The following CNOT1 variants were observed in gnomAD, a reference collection of about 807,000 sequenced individuals.
The protein encoded by CNOT1 is CCR4-NOT transcription complex subunit 1.
CNOT1 carries 15 observed loss-of-function variants against 273.8 expected under a neutral mutation model. That is an observed-to-expected ratio of 0.05 (90% CI 0.04 to 0.08). The LOEUF is 0.08. Ranked by LOEUF, CNOT1 falls within the 10% of genes least tolerant of loss-of-function variation. The pLI, the probability that CNOT1 is intolerant of heterozygous loss-of-function variation, is 1.00. For synonymous variants in CNOT1, 1,022 were observed against 1,005.5 expected (o/e 1.02, Z -0.31); for missense variants, 1,644 against 2,912.2 (o/e 0.56, Z 10.02).
chr16:58,611,828 A>C (rs2152035037), intron 1 of CNOT1, among the ~76,000 whole-genome samples: 1 of 152,226 alleles, frequency 6.6e-6, no homozygotes, highest in Non-Finnish European at 1.5e-5. Context: ...CTCAAAAAAA[A>C]AAAAAAAAGA....
chr16:58,566,938 A>G (rs932684195), intron 16 of CNOT1, among the ~76,000 whole-genome samples: 2 of 152,044 alleles, frequency 1.3e-5, no homozygotes, highest in Non-Finnish European at 2.9e-5. Context: ...GCCTAGTATC[A>G]TTGGTTTCTA....
intron 45 of CNOT1, among the ~76,000 whole-genome samples, chr16:58,525,603 A>AT (rs1226169180): frequency 1.3e-5 from 2 of 152,252 alleles, no homozygotes; most frequent in African/African-American, 4.8e-5. Context: ...AGTAAAGTTT[A>AT]TAAAATCAAA....
intron 1 of CNOT1, among the ~76,000 whole-genome samples, chr16:58,610,381 G>A (rs1305877240): frequency 1.3e-5 from 2 of 152,160 alleles, no homozygotes; most frequent in African/African-American, 4.8e-5. Context: ...ACGCCAGCCT[G>A]GGCAACAGAG....
intron 2 of CNOT1, among the ~76,000 whole-genome samples, chr16:58,597,145 A>G (rs901814097): frequency 6.6e-6 from 1 of 151,696 alleles, no homozygotes; most frequent in African/African-American, 2.4e-5. Flanking sequence ...TTTGAAGGAC[A>G]ATTTCTAGAA....
At chr16:58,612,806 G>A (rs2042945814) in intron 1 of CNOT1, among the ~76,000 whole-genome samples, 1 of 152,130 alleles carries the variant, frequency 6.6e-6, no homozygotes, top group East Asian at 1.9e-4. Flanking sequence ...GATTTATGGG[G>A]CAGTTCCAAA....
At chr16:58,521,360 C>T (rs778804211) in intron 47 of CNOT1, 43 bp from the exon 48 acceptor site, 32 of 1,550,716 alleles carry the variant, frequency 2.1e-5, no homozygotes, top group African/African-American at 2.8e-5. Context: ...TAGAAGCATA[C>T]AAATTCATGA....
At chr16:58,564,936 CA>C (rs1313403574) in intron 16 of CNOT1, among the ~76,000 whole-genome samples, 1 of 151,514 alleles carries the variant, frequency 6.6e-6, no homozygotes, top group Admixed American at 6.6e-5. Context: ...AACTCCGTCT[CA>C]AAAAAATAAA....
intron 1 of CNOT1, among the ~76,000 whole-genome samples, chr16:58,604,132 T>C (rs2042578801): frequency 6.6e-6 from 1 of 152,182 alleles, no homozygotes; most frequent in Non-Finnish European, 1.5e-5. Context: ...AATAAGTGAT[T>C]TAGCCTTAGT....
intron 13 of CNOT1, 60 bp downstream of exon 13, chr16:58,578,639 C>T (rs2041551807): frequency 3.8e-6 from 6 of 1,574,310 alleles, no homozygotes; most frequent in South Asian, 3.5e-5. Flanking sequence ...GCTTCCTCAA[C>T]ACTCCAAAGA....
At chr16:58,557,066 T>C in intron 18 of CNOT1, 73 bp from the exon 19 acceptor site, 7 of 1,524,034 alleles carry the variant, frequency 4.6e-6, no homozygotes, top group East Asian at 4.7e-5. Flanking sequence ...CTCAGATATA[T>C]TAATAAGACA....
chr16:58,599,973 G>A (rs1345053001), intron 1 of CNOT1, among the ~76,000 whole-genome samples: 2 of 151,980 alleles, frequency 1.3e-5, no homozygotes, highest in African/African-American at 4.8e-5. Context: ...TGAGGCAGGA[G>A]GACCGCTTGA....
chr16:58,545,378 T>C lies in CNOT1; in HGVS notation c.4120A>G (p.Ile1374Val), dbSNP rs138769715. 27 of 1,613,730 alleles carry C rather than the reference T, an allele frequency of 1.7e-5. No individual in the cohort carries two copies. Among genetic ancestry groups the C allele is most frequent in the African/African-American group, 1.2e-4 (9 of 74,898 alleles). Residue 1374 changes from isoleucine (I) to valine (V), a missense_variant, in exon 30 of 49, where the codon ATT (isoleucine) becomes GTT (valine). Coordinates refer to ENST00000317147, the MANE Select transcript of CNOT1 (RefSeq NM_016284.5). Reference protein sequence around the residue: ...VYSLAGLAPHITLNPTIPLFQ... With the variant: ...VYSLAGLAPHVTLNPTIPLFQ... Reference sequence around the variant, plus strand: ...TTACTTACTGTTGGATTCAGAGTAATGTGTGGTGCCAAGCCCGCAAGGGAA... The same window carrying C: ...TTACTTACTGTTGGATTCAGAGTAACGTGTGGTGCCAAGCCCGCAAGGGAA...
At chr16:58,541,649 A>C (rs780635783) in intron 33 of CNOT1, 29 bp from the exon 34 acceptor site, 1 of 1,605,958 alleles carries the variant, frequency 6.2e-7, no homozygotes, top group Admixed American at 1.7e-5. Flanking sequence ...ATTTTGACAG[A>C]ATTCACTCAA....
rs746397514 is a variant in CNOT1 at position 58,520,941 on chromosome 16, C to T, written c.*17G>A. On this transcript the variant is annotated 3_prime_UTR_variant, in exon 49 of 49. Coordinates refer to ENST00000317147, the MANE Select transcript of CNOT1 (RefSeq NM_016284.5). ...GAGACCTCTAGACTGACACGTACAA[C>T]AGAGATGCAGTTTCGTCTAACTGGC... 1.2e-5 allele frequency: 19 copies of T among 1,611,548 alleles called. No homozygotes were observed. The highest frequency in any genetic ancestry group is 1.6e-5 in the Non-Finnish European group (19 of 1,179,688).
intron 1 of CNOT1, among the ~76,000 whole-genome samples, chr16:58,627,458 A>G (rs1224225480): frequency 1.3e-5 from 2 of 150,418 alleles, no homozygotes; most frequent in Non-Finnish European, 2.9e-5. Context: ...CTATCCTAAA[A>G]CATACTCAGA....
rs138755732 is a variant in CNOT1 at position 58,547,570 on chromosome 16, T to A, written c.3635A>T (p.His1212Leu). ...ITLAKNKPIL[H>L]TDLDVKSLLL... ...ACACATTTAGATGAAACTCACAGTG[T>A]GTAAGATGGGTTTGTTTTTAGCTAA... The change falls in exon 26 of 49, where the codon CAC becomes CTC. Residue 1212 changes from histidine (H) to leucine (L), a missense_variant. His to Leu is a moderately conservative substitution (Grantham distance 99). This residue lies in a region of CNOT1 where 124 missense variants were observed against 289.3 expected (regional missense o/e 0.43). Transcript: ENST00000317147. This position sits in a 1 kb window ranked among gnomAD's most constrained non-coding sequence, Gnocchi z 4.0. The A allele has an allele frequency of 6.2e-7, 1 of 1,612,462 alleles. No individual in the cohort carries two copies. The highest frequency in any genetic ancestry group is 8.5e-7 in the Non-Finnish European group (1 of 1,179,206).
At chr16:58,594,333 A>G (rs903987018) in intron 2 of CNOT1, among the ~76,000 whole-genome samples, 3 of 152,208 alleles carry the variant, frequency 2.0e-5, no homozygotes, top group African/African-American at 7.2e-5. Context: ...ACGCAAATGC[A>G]CCAAGGCAGA....
Position 58,574,736 on chromosome 16 carries a change from T to C in CNOT1, c.1852A>G (p.Thr618Ala), listed in dbSNP as rs985970965. Reference protein sequence around the residue: ...HGEPFIQACMTFLKRRCPSIL... With the variant: ...HGEPFIQACMAFLKRRCPSIL... ...GAAGGACACCGTCTCTTTAAAAAAGTCATACACGCCTGGATAAAAGGCTCC... is the reference window on the plus strand; with the variant it reads ...GAAGGACACCGTCTCTTTAAAAAAGCCATACACGCCTGGATAAAAGGCTCC... Residue 618 changes from threonine to alanine, a missense_variant, in exon 16 of 49, where the codon ACT becomes GCT. Coordinates refer to ENST00000317147, the MANE Select transcript of CNOT1 (RefSeq NM_016284.5). The C allele has an allele frequency of 8.1e-6, 13 of 1,603,726 alleles. No individual in the cohort carries two copies. The highest frequency in any genetic ancestry group is 1.1e-5 in the Non-Finnish European group (13 of 1,177,996).
intron 44 of CNOT1, chr16:58,528,187 T>C (rs1236851123): frequency 3.8e-6 from 2 of 531,004 alleles, no homozygotes; most frequent in Non-Finnish European, 7.1e-6. Flanking sequence ...AGCAAATGAC[T>C]GCCCCAACAC....
Sources: allele counts gnomAD v4.1 joint callset (sites outside exome capture counted in the v4.1 genomes callset), GRCh38; gene constraint gnomAD v4.1.1; regional missense constraint gnomAD v4.1.1; non-coding constraint Gnocchi (gnomAD v3.1); transcripts MANE v1.5; gene names NCBI Gene and HGNC (gene_info 2026-07-23, HGNC 2026-07-21).